MEGF11: variants seen among roughly 807,000 people sequenced by gnomAD.
The protein encoded by MEGF11 is multiple EGF like domains 11.
A neutral mutation model predicts 146.6 loss-of-function variants in MEGF11; 126 were observed. That is an observed-to-expected ratio of 0.86 (90% CI 0.74 to 1.00). MEGF11 has a LOEUF of 1.00. MEGF11 is among the 50% of genes least tolerant of loss of function. The probability of loss-of-function intolerance (pLI) is 0.00; values close to 1 mark genes in which losing one functional copy is unlikely to be tolerated. For missense variants in MEGF11, 1,509 were observed against 1,521.2 expected (o/e 0.99, Z 0.13); for synonymous variants, 532 against 583.4 (o/e 0.91, Z 1.27).
chr15:66,022,156 G>T (rs141187334), intron 5 of MEGF11, among the ~76,000 whole-genome samples: 2 of 152,236 alleles, frequency 1.3e-5, no homozygotes, highest in Non-Finnish European at 1.5e-5. Flanking sequence ...GGATGGCTGA[G>T]CTCAGGGCTC....
chr15:66,046,879 C>T (rs1597026514), intron 5 of MEGF11, among the ~76,000 whole-genome samples: 1 of 152,198 alleles, frequency 6.6e-6, no homozygotes, highest in Non-Finnish European at 1.5e-5. Context: ...AGTTCCCCTC[C>T]TCACTCCAAT....
At chr15:65,917,688 C>T (rs1292165606) in intron 16 of MEGF11, among the ~76,000 whole-genome samples, 3 of 152,176 alleles carry the variant, frequency 2.0e-5, no homozygotes, top group Non-Finnish European at 4.4e-5. Flanking sequence ...TCGGGCTGCT[C>T]CTTGTGCAGG....
intron 1 of MEGF11, among the ~76,000 whole-genome samples, chr15:66,226,361 C>T (rs150133394): frequency 2.5e-3 from 381 of 152,272 alleles, no homozygotes; most frequent in African/African-American, 8.8e-3. Context: ...GATTCTCCTG[C>T]CTCAGCCTCC....
At chr15:66,127,724 C>T (rs954919995) in intron 2 of MEGF11, among the ~76,000 whole-genome samples, 10 of 152,170 alleles carry the variant, frequency 6.6e-5, no homozygotes, top group African/African-American at 1.7e-4. Flanking sequence ...TGCAGGGACC[C>T]GGCCCATTCC....
Position 65,922,455 on chromosome 15 carries a change from A to G in MEGF11, c.1840T>C (p.Tyr614His). The change falls in exon 15 of 26, where the codon TAT (tyrosine) becomes CAT (histidine). Residue 614 changes from tyrosine to histidine, a missense_variant. Physicochemically the swap from Tyr to His is moderately conservative, Grantham distance 83. Transcript: ENST00000395614. Reference protein sequence around the residue: ...LCQRICPPGFYGHGCAQPCPL... With the variant: ...LCQRICPPGFHGHGCAQPCPL... The stretch of plus-strand genomic sequence containing the variant: ...CATGGCTGGGCGCAGCCGTGGCCAT[A>G]GAACCCAGGGGGGCAGACTGAGGGT... 1 of 1,578,768 alleles carries G rather than the reference A, an allele frequency of 6.3e-7. No individual in the cohort carries two copies. The highest frequency in any genetic ancestry group is 8.6e-7 in the Non-Finnish European group (1 of 1,162,648).
intron 1 of MEGF11, among the ~76,000 whole-genome samples, chr15:66,204,374 C>T (rs536670628): frequency 1.6e-4 from 24 of 151,980 alleles, no homozygotes; most frequent in African/African-American, 4.6e-4. Flanking sequence ...CACTGTACTC[C>T]GACCTGGATG....
At chr15:66,090,529 C>T (rs1348353688) in intron 5 of MEGF11, among the ~76,000 whole-genome samples, 1 of 152,248 alleles carries the variant, frequency 6.6e-6, no homozygotes, top group Non-Finnish European at 1.5e-5. Context: ...TCAGAAATAT[C>T]ACTGTTTCAC....
chr15:66,147,250 A>AC (rs1171051801), intron 1 of MEGF11, among the ~76,000 whole-genome samples: 1 of 151,462 alleles, frequency 6.6e-6, no homozygotes, highest in Admixed American at 6.6e-5. Flanking sequence ...CTGACTCATG[A>AC]CCCCTCCCCA....
chr15:66,055,907 G>C (rs2084656538), intron 5 of MEGF11, among the ~76,000 whole-genome samples: 1 of 152,172 alleles, frequency 6.6e-6, no homozygotes, highest in African/African-American at 2.4e-5. Context: ...CCAGAGTCAG[G>C]AGAATGGGCT....
intron 1 of MEGF11, among the ~76,000 whole-genome samples, chr15:66,230,340 T>A (rs1192282449): frequency 2.6e-5 from 4 of 152,140 alleles, no homozygotes; most frequent in African/African-American, 9.7e-5. Flanking sequence ...CCTCCCCCAC[T>A]AGATTGTAAG....
chr15:66,007,358 T>G (rs145987732), intron 5 of MEGF11, among the ~76,000 whole-genome samples: 1 of 152,298 alleles, frequency 6.6e-6, no homozygotes, highest in East Asian at 1.9e-4. Context: ...TGGCTCCCCC[T>G]CAATTCAAAT....
chr15:66,008,448 C>T (rs967860008), intron 5 of MEGF11, among the ~76,000 whole-genome samples: 1 of 151,566 alleles, frequency 6.6e-6, no homozygotes, highest in Non-Finnish European at 1.5e-5. Flanking sequence ...CACACACACA[C>T]ACAAAATTAC....
At chr15:66,045,546 T>C (rs1317740637) in intron 5 of MEGF11, among the ~76,000 whole-genome samples, 1 of 152,100 alleles carries the variant, frequency 6.6e-6, no homozygotes, top group African/African-American at 2.4e-5. Flanking sequence ...TGGGCTCTAC[T>C]CCATTTCCCC....
intron 23 of MEGF11, chr15:65,906,497 T>C: frequency 4.7e-6 from 1 of 213,400 alleles, no homozygotes; most frequent in Admixed American, 5.7e-5. Flanking sequence ...CAGGTGAAAC[T>C]CCAGGCTCCA....
chr15:66,157,121 C>A (rs149537042), intron 1 of MEGF11, among the ~76,000 whole-genome samples: 147 of 151,860 alleles, frequency 9.7e-4, no homozygotes, highest in African/African-American at 3.4e-3. Flanking sequence ...ATAAATGGGA[C>A]CAGAGACGTG....
chr15:66,019,801 C>G (rs2083040941), intron 5 of MEGF11, among the ~76,000 whole-genome samples: 1 of 152,242 alleles, frequency 6.6e-6, no homozygotes, highest in African/African-American at 2.4e-5. Context: ...ACCTCACATG[C>G]ATCACTTATG....
chr15:65,990,745 GAAAC>G (rs1224112411), intron 5 of MEGF11, among the ~76,000 whole-genome samples: 29 of 151,990 alleles, frequency 1.9e-4, no homozygotes, highest in South Asian at 4.2e-4. Flanking sequence ...GAAAAAGAAA[GAAAC>G]AAACAAACAC....
chr15:66,200,522 G>T (rs2091128120), intron 1 of MEGF11, among the ~76,000 whole-genome samples: 1 of 152,022 alleles, frequency 6.6e-6, no homozygotes, highest in Non-Finnish European at 1.5e-5. Flanking sequence ...TAGTAATTCA[G>T]GGGTCTTACC....
chr15:66,051,302 A>G (rs764009905), intron 5 of MEGF11, among the ~76,000 whole-genome samples: 2 of 152,116 alleles, frequency 1.3e-5, no homozygotes, highest in Non-Finnish European at 2.9e-5. Flanking sequence ...GACCCTGGAG[A>G]GTCCTGGGTC....
Sources: gnomAD v4.1 joint callset for allele counts (sites outside exome capture counted in the v4.1 genomes callset) on GRCh38, gnomAD v4.1.1 for gene constraint, MANE v1.5 for transcripts, NCBI Gene and HGNC (gene_info 2026-07-23, HGNC 2026-07-21) for gene names.